CFAP119: variants seen among roughly 807,000 people sequenced by gnomAD.
The protein encoded by CFAP119 is cilia and flagella associated protein 119.
At chr16:30,760,368 T>C in the CFAP119 span, 5 of 1,614,050 alleles carry the variant, frequency 3.1e-6, no homozygotes, top group Non-Finnish European at 3.4e-6. Context: ...CGGCAGAAAA[T>C]GAGCGCGTGG....
At chr16:30,757,958 A>C in the CFAP119 span, 14 of 478,208 alleles carry the variant, frequency 2.9e-5, no homozygotes, top group African/African-American at 2.0e-4. Context: ...GATACCTAGC[A>C]CATAGGATTG....
the CFAP119 span, chr16:30,758,007 G>A: frequency 8.1e-6 from 2 of 247,528 alleles, no homozygotes; most frequent in Admixed American, 5.6e-5. Context: ...AAAATGCTTA[G>A]AGCAGGGCAT....
chr16:30,757,917 C>T, the CFAP119 span: 1 of 844,710 alleles, frequency 1.2e-6, no homozygotes. Flanking sequence ...CCTATCTGTG[C>T]CTCAGTTTCC....
At chr16:30,760,605 C>A in the CFAP119 span, 1 of 1,558,584 alleles carries the variant, frequency 6.4e-7, no homozygotes, top group Admixed American at 1.9e-5. Context: ...TCAGTCCCTA[C>A]TCCCTCATCT....
the CFAP119 span, chr16:30,760,759 C>G: frequency 8.4e-7 from 1 of 1,193,670 alleles, no homozygotes; most frequent in Non-Finnish European, 1.2e-6. Context: ...AGTTGGCCAC[C>G]GGCGTGAAGC....
chr16:30,762,059 A>T, the CFAP119 span: 1 of 433,786 alleles, frequency 2.3e-6, no homozygotes. Context: ...CAGGTTGCTA[A>T]TACGAGGGCC....
the CFAP119 span, chr16:30,760,701 C>T: frequency 6.5e-7 from 1 of 1,543,602 alleles, no homozygotes; most frequent in Non-Finnish European, 8.8e-7. Context: ...GTATTGGTGG[C>T]CGTTACCTAT....
At chr16:30,761,311 G>T in the CFAP119 span, 2 of 1,584,492 alleles carry the variant, frequency 1.3e-6, no homozygotes, top group Non-Finnish European at 1.7e-6. Flanking sequence ...AGAAGCCGCT[G>T]TAACTTGCCA....
chr16:30,759,622 TAA>T, the CFAP119 span: 6 of 1,613,828 alleles, frequency 3.7e-6, no homozygotes, highest in Non-Finnish European at 5.1e-6. Context: ...TGGGGATGGG[TAA>T]AGTTTCCAGA....
the CFAP119 span, chr16:30,759,697 C>T: frequency 3.1e-6 from 5 of 1,613,160 alleles, no homozygotes; most frequent in African/African-American, 6.7e-5. Context: ...GTAGCGGTAG[C>T]ACTCCTCCAC....
chr16:30,760,720 G>T, the CFAP119 span: 5 of 1,486,940 alleles, frequency 3.4e-6, no homozygotes, highest in Non-Finnish European at 4.6e-6. Context: ...ATCATGACAA[G>T]GCTGTGACAG....
At chr16:30,758,910 C>T in the CFAP119 span, 2 of 1,529,202 alleles carry the variant, frequency 1.3e-6, no homozygotes, top group Non-Finnish European at 1.7e-6. Context: ...AGAGAAAGGA[C>T]TCTGACTAAA....
the CFAP119 span, chr16:30,759,575 G>A: frequency 1.2e-6 from 2 of 1,613,946 alleles, no homozygotes; most frequent in Non-Finnish European, 1.7e-6. Flanking sequence ...AGAAGATAAG[G>A]GTGATGAATG....
chr16:30,760,866 G>A, the CFAP119 span: 8 of 626,880 alleles, frequency 1.3e-5, no homozygotes, highest in South Asian at 1.9e-5. Context: ...AAAGCCTAGG[G>A]TTAGGAATCT....
At chr16:30,759,178 C>G in the CFAP119 span, 1 of 1,614,228 alleles carries the variant, frequency 6.2e-7, no homozygotes, top group Non-Finnish European at 8.5e-7. Context: ...TCTCCCTTAC[C>G]CGTCTCACTC....
the CFAP119 span, chr16:30,760,582 T>G: frequency 6.4e-7 from 1 of 1,564,614 alleles, no homozygotes. Context: ...CAAGAGCTCT[T>G]CCCACGCCCC....
chr16:30,761,608 C>T, the CFAP119 span: 1 of 1,536,188 alleles, frequency 6.5e-7, no homozygotes, highest in African/African-American at 1.4e-5. Context: ...TCCACTGAGT[C>T]CGCACACTCG....
the CFAP119 span, chr16:30,759,037 T>C: frequency 1.2e-6 from 2 of 1,614,246 alleles, no homozygotes; most frequent in East Asian, 2.2e-5. Context: ...GTGGGGCCAC[T>C]GTCTCTAGTT....
At chr16:30,757,841 T>G in the CFAP119 span, 2 of 1,402,690 alleles carry the variant, frequency 1.4e-6, no homozygotes, top group Middle Eastern at 2.6e-4. Flanking sequence ...GTGGCTATGC[T>G]GGACTTTGCA....
Sources: allele counts gnomAD v4.1 joint callset, GRCh38; gene constraint gnomAD v4.1.1; transcripts MANE v1.5; gene names NCBI Gene and HGNC (gene_info 2026-07-23, HGNC 2026-07-21).